TMEM161A: variants seen among roughly 807,000 people sequenced by gnomAD.
The protein encoded by TMEM161A is adaptive response to oxidative stress protein 29.
TMEM161A carries 46 observed loss-of-function variants against 57.1 expected under a neutral mutation model. That is an observed-to-expected ratio of 0.81 (90% CI 0.64 to 1.03). TMEM161A has a LOEUF of 1.03. Ranked by LOEUF, TMEM161A falls within the 50% of genes least tolerant of loss-of-function variation. The pLI, the probability that TMEM161A is intolerant of heterozygous loss-of-function variation, is 0.00. For missense variants in TMEM161A, 601 were observed against 621.5 expected (o/e 0.97, Z 0.35); for synonymous variants, 288 against 279.0 (o/e 1.03, Z -0.32).
intron 2 of TMEM161A, among the ~76,000 whole-genome samples, chr19:19,133,926 T>A (rs1230207856): frequency 2.0e-5 from 3 of 152,088 alleles, no homozygotes; most frequent in Non-Finnish European, 4.4e-5. Flanking sequence ...TGAGCCACCA[T>A]ACCTGGCTAA....
rs752887184 is a variant in TMEM161A, at chr19:19,121,604, A to G, written c.721T>C (p.Phe241Leu). 7 of 1,613,932 alleles carry G rather than the reference A, an allele frequency of 4.3e-6. No individual in the cohort carries two copies. In the South Asian group the frequency reaches 7.7e-5, roughly 18 times the overall value. The change falls in exon 8 of 12, where the codon TTC becomes CTC. Residue 241 changes from phenylalanine (F) to leucine (L), a missense_variant. Phe to Leu is a conservative substitution (Grantham distance 22). Coordinates refer to ENST00000162044, the MANE Select transcript of TMEM161A (RefSeq NM_017814.3). The surrounding 1 kb of genome is among the most constrained non-coding windows in gnomAD (Gnocchi z 5.8). ...AGCCGCAGGCCTGGGAAGGTGAGGA[A>G]GGCACCCAGCACAGAGCCCACCACT... ...LAVVGSVLGA[F>L]LTFPGLRLAQ...
In TMEM161A at chr19:19,121,960, G is replaced by T; in HGVS notation, c.596-141C>A. 1 of 883,090 alleles carries T rather than the reference G, an allele frequency of 1.1e-6. No homozygotes were observed. Among genetic ancestry groups the T allele is most frequent in the Non-Finnish European group, 1.7e-6 (1 of 584,266 alleles). 54.7% of individuals were successfully genotyped at this position (883,090 alleles called of 1,614,324 possible). ...AAGGGTCTGCCAGGCCCTGAGCCAG[G>T]CACAAGGACAATTTTGTGCTCTAGT... is the stretch of plus-strand genomic sequence containing the variant. On this transcript the variant is annotated intron_variant, in intron 6 of 11. Transcript: ENST00000162044. This position sits in a 1 kb window ranked among gnomAD's most constrained non-coding sequence, Gnocchi z 5.8.
At position 19,121,457 on chromosome 19, in the gene TMEM161A, T is replaced by C. The variant is rs2059910044; in HGVS notation, c.801-36A>G. 6.2e-7 allele frequency: 1 copy of C among 1,613,132 alleles called. No individual in the cohort carries two copies. Among genetic ancestry groups the C allele is most frequent in the Non-Finnish European group, 8.5e-7 (1 of 1,179,482 alleles). On this transcript the variant is annotated intron_variant, in intron 8 of 11. Transcript: ENST00000162044. This position sits in a 1 kb window ranked among gnomAD's most constrained non-coding sequence, Gnocchi z 5.8. ...AGGGCAGGAGGGAGTGAGGCCTGGG[T>C]ACCCCCTCTCCTCGAGTCTCTCCCT...
intron 1 of TMEM161A, 148 bp from the exon 2 acceptor site, chr19:19,135,035 C>T: frequency 1.6e-6 from 1 of 617,248 alleles, no homozygotes; most frequent in East Asian, 2.8e-5. Context: ...GGGGAGAGTC[C>T]TGGGGTGAGT....
At chr19:19,130,525 G>C in intron 5 of TMEM161A, 1 of 587,752 alleles carries the variant, frequency 1.7e-6, no homozygotes, top group South Asian at 2.1e-5. Flanking sequence ...TCAGGCCACC[G>C]TGTCTGTACA....
At chr19:19,122,123 GTC>G (rs2059913969) in intron 6 of TMEM161A, among the ~76,000 whole-genome samples, 1 of 151,810 alleles carries the variant, frequency 6.6e-6, no homozygotes, top group African/African-American at 2.4e-5. Context: ...TGAAACCCCC[GTC>G]TCTACTAAAA....
rs1246620358 is a variant in TMEM161A, at chr19:19,119,660, C to T, written c.*270G>A. The T allele has an allele frequency of 1.2e-5, 6 of 513,060 alleles. No individual in the cohort carries two copies. Among genetic ancestry groups the T allele is most frequent in the Admixed American group, 3.1e-5 (1 of 31,820 alleles). The allele number at this position is 513,060 out of a possible 1,614,324, so 31.8% of individuals were successfully genotyped here. On this transcript the variant is annotated 3_prime_UTR_variant, in exon 12 of 12. Coordinates refer to ENST00000162044, the MANE Select transcript of TMEM161A (RefSeq NM_017814.3). ...CTCCTTTATTTGTTCAGAAGAGCAG[C>T]CAGCATCACCCTTGCCACTCAAACC...
chr19:19,126,706 C>T (rs1271077608), intron 6 of TMEM161A, among the ~76,000 whole-genome samples: 1 of 151,864 alleles, frequency 6.6e-6, no homozygotes, highest in Non-Finnish European at 1.5e-5. Context: ...CCCATCTCTA[C>T]TAAAAATGCA....
chr19:19,120,473 A>G lies in TMEM161A; in HGVS notation c.1187-290T>C, dbSNP rs2059903449. 3.4e-5 allele frequency among the ~76,000 whole-genome samples: 5 copies of G among 148,424 alleles called. No individual in the cohort carries two copies. The South Asian group carries it at 1.1e-3, about 32-fold the overall frequency. On this transcript the variant is annotated intron_variant, in intron 11 of 11. Transcript: ENST00000162044. ...CCCCAGGCTCCACCTCCTAAGGCAA[A>G]CGCCATCCCAAACTCCACCTCCTGC...
intron 6 of TMEM161A, among the ~76,000 whole-genome samples, chr19:19,128,811 T>C (rs929919480): frequency 6.6e-6 from 1 of 152,204 alleles, no homozygotes; most frequent in South Asian, 2.1e-4. Context: ...GTGCTGGGAT[T>C]ACAGGCATGA....
chr19:19,138,311 C>G, intron 1 of TMEM161A, 115 bp downstream of exon 1: 1 of 1,470,066 alleles, frequency 6.8e-7, no homozygotes, highest in Non-Finnish European at 9.3e-7. Context: ...CCGAATCCCT[C>G]AGAGCCTCCA....
chr19:19,138,403 C>T (rs920094783), intron 1 of TMEM161A, 23 bp downstream of exon 1: 1 of 1,602,020 alleles, frequency 6.2e-7, no homozygotes, highest in Non-Finnish European at 8.5e-7. Flanking sequence ...CAGAACCCCC[C>T]ACTTCGCGGG....
chr19:19,134,753 G>A (rs999632049), intron 2 of TMEM161A, 31 bp downstream of exon 2: 1 of 1,510,104 alleles, frequency 6.6e-7, no homozygotes, highest in Non-Finnish European at 9.0e-7. Flanking sequence ...GTGACTCCGC[G>A]GGCCCCTCCC....
Position 19,121,922 on chromosome 19 carries a change from A to G in TMEM161A, c.596-103T>C. 1 of 1,335,842 alleles carries G rather than the reference A, an allele frequency of 7.5e-7. No individual in the cohort carries two copies. Among genetic ancestry groups the G allele is most frequent in the Non-Finnish European group, 1.0e-6 (1 of 964,524 alleles). The allele number at this position is 1,335,842 out of a possible 1,614,324, so 82.7% of individuals were successfully genotyped here. ...CCCTCAGGCATCCGTTTGCTTCCCA[A>G]GTAGGAATGAACAAGGGTCTGCCAG... On this transcript the variant is annotated intron_variant, in intron 6 of 11. Transcript: ENST00000162044. This position sits in a 1 kb window ranked among gnomAD's most constrained non-coding sequence, Gnocchi z 5.8.
At position 19,129,609 on chromosome 19, in the gene TMEM161A, A is replaced by T. The variant is rs577632727; in HGVS notation, c.595+547T>A. Among the ~76,000 whole-genome samples, 101 of 152,144 alleles carry T rather than the reference A, an allele frequency of 6.6e-4. 1 individual carries two copies. In the South Asian group the frequency reaches 8.3e-3, roughly 13 times the overall value. On this transcript the variant is annotated intron_variant, in intron 6 of 11. Coordinates refer to ENST00000162044, the MANE Select transcript of TMEM161A (RefSeq NM_017814.3). ...AAAATAAATAAATAAATAATTTTTT[A>T]AAAAAATGAAAAAAGAGGCCACACA...
intron 2 of TMEM161A, among the ~76,000 whole-genome samples, chr19:19,133,582 CT>C: frequency 6.6e-6 from 1 of 152,290 alleles, no homozygotes; most frequent in East Asian, 1.9e-4. Flanking sequence ...AGTGATTCTC[CT>C]GCCTCAGCCT....
Position 19,133,664 on chromosome 19 carries a change from G to A in TMEM161A, c.108-454C>T, listed in dbSNP as rs148607161. 7.9e-3 allele frequency among the ~76,000 whole-genome samples: 1,201 copies of A among 152,172 alleles called. 18 individuals are homozygous for A. Among genetic ancestry groups the A allele is most frequent in the African/African-American group, 0.027 (1,109 of 41,518 alleles). On this transcript the variant is annotated intron_variant, in intron 2 of 11. Coordinates refer to ENST00000162044, the MANE Select transcript of TMEM161A (RefSeq NM_017814.3). ...TTTTTGTATTTTTACCAGAGACAGG[G>A]TTTCACTATGTTGGCCAGGCTGGTC...
chr19:19,137,594 G>C (rs1010602698), intron 1 of TMEM161A, among the ~76,000 whole-genome samples: 15 of 152,216 alleles, frequency 9.9e-5, no homozygotes, highest in African/African-American at 3.6e-4. Flanking sequence ...CCGGGAGCCT[G>C]TGCCTTCATC....
chr19:19,131,668 G>A (rs1441232560), intron 5 of TMEM161A, among the ~76,000 whole-genome samples: 1 of 152,030 alleles, frequency 6.6e-6, no homozygotes, highest in African/African-American at 2.4e-5. Context: ...TGGGATTACA[G>A]GTATGCACCA....
Sources: allele counts gnomAD v4.1 joint callset (sites outside exome capture counted in the v4.1 genomes callset), GRCh38; gene constraint gnomAD v4.1.1; non-coding constraint Gnocchi (gnomAD v3.1); transcripts MANE v1.5; gene names NCBI Gene and HGNC (gene_info 2026-07-23, HGNC 2026-07-21).